FAM135B: variants seen among roughly 807,000 people sequenced by gnomAD.
The protein encoded by FAM135B is protein FAM135B.
FAM135B carries 43 observed loss-of-function variants against 127.7 expected under a neutral mutation model. The ratio of observed to expected loss-of-function variants is 0.34; its 90% CI spans 0.26 to 0.43. FAM135B has a LOEUF of 0.43. Ranked by LOEUF, FAM135B falls within the 20% of genes least tolerant of loss-of-function variation. The probability of loss-of-function intolerance (pLI) is 1.00; values close to 1 mark genes in which losing one functional copy is unlikely to be tolerated. For synonymous variants in FAM135B, 670 were observed against 665.1 expected (o/e 1.01, Z -0.11); for missense variants, 1,558 against 1,725.6 (o/e 0.90, Z 1.72).
chr8:138,366,222 G>A (rs980654000), intron 2 of FAM135B, among the ~76,000 whole-genome samples: 23 of 152,034 alleles, frequency 1.5e-4, no homozygotes, highest in African/African-American at 4.6e-4. Context: ...TTAGTTCTAC[G>A]GTTTGTTATG....
At chr8:138,328,323 G>A (rs1827946272) in intron 2 of FAM135B, among the ~76,000 whole-genome samples, 1 of 152,162 alleles carries the variant, frequency 6.6e-6, no homozygotes. Context: ...TCTTGACCAG[G>A]CTGGGGAAGC....
intron 9 of FAM135B, among the ~76,000 whole-genome samples, chr8:138,193,587 A>AT (rs1317326526): frequency 6.6e-6 from 1 of 152,144 alleles, no homozygotes; most frequent in Non-Finnish European, 1.5e-5. Context: ...ATTTCTGATA[A>AT]TTTACAGAGT....
At chr8:138,407,466 A>G (rs1273861513) in intron 1 of FAM135B, among the ~76,000 whole-genome samples, 11 of 152,336 alleles carry the variant, frequency 7.2e-5, no homozygotes, top group Middle Eastern at 3.4e-3. Context: ...CCTAAGCCAA[A>G]AGAACAAAGC....
chr8:138,233,690 C>T (rs1820063129), intron 7 of FAM135B, among the ~76,000 whole-genome samples: 1 of 152,106 alleles, frequency 6.6e-6, no homozygotes, highest in South Asian at 2.1e-4. Flanking sequence ...TAAAAAGTAT[C>T]TGCACTGCAA....
chr8:138,453,546 T>C (rs777930753), intron 1 of FAM135B, among the ~76,000 whole-genome samples: 2 of 152,136 alleles, frequency 1.3e-5, no homozygotes, highest in Non-Finnish European at 2.9e-5. Context: ...TCTCTTGCAG[T>C]TGGGGATTTG....
chr8:138,168,386 TA>T (rs2130906946), intron 11 of FAM135B, among the ~76,000 whole-genome samples: 1 of 152,318 alleles, frequency 6.6e-6, no homozygotes, highest in East Asian at 1.9e-4. Context: ...TTAGAAATTT[TA>T]AATTAGCATT....
intron 1 of FAM135B, among the ~76,000 whole-genome samples, chr8:138,382,004 C>T (rs991468061): frequency 2.0e-5 from 3 of 152,022 alleles, no homozygotes; most frequent in Admixed American, 6.6e-5. Context: ...TCAAGGCTGG[C>T]ATTTCAGACA....
intron 2 of FAM135B, among the ~76,000 whole-genome samples, chr8:138,355,403 G>A (rs1830031447): frequency 6.6e-6 from 1 of 152,122 alleles, no homozygotes; most frequent in Non-Finnish European, 1.5e-5. Context: ...AAAATGGTGA[G>A]TTCATGTCCT....
At chr8:138,137,090 A>T (rs568832823) in intron 19 of FAM135B, 57 bp downstream of exon 19, 1 of 909,170 alleles carries the variant, frequency 1.1e-6, no homozygotes, top group East Asian at 2.4e-5. Context: ...AATTCCATGA[A>T]TTTACTTTTG....
chr8:138,177,545 G>T, intron 10 of FAM135B, 125 bp from the exon 11 acceptor site: 1 of 790,380 alleles, frequency 1.3e-6, no homozygotes, highest in Non-Finnish European at 2.0e-6. Context: ...CCAGGCCCCT[G>T]ACCTGAAGGT....
intron 2 of FAM135B, among the ~76,000 whole-genome samples, chr8:138,312,933 A>G (rs553183126): frequency 6.6e-6 from 1 of 152,364 alleles, no homozygotes; most frequent in Admixed American, 6.5e-5. Flanking sequence ...AAGCAATTCA[A>G]TGGAGCAGAG....
At chr8:138,340,563 C>G (rs938979493) in intron 2 of FAM135B, among the ~76,000 whole-genome samples, 17 of 152,140 alleles carry the variant, frequency 1.1e-4, no homozygotes, top group African/African-American at 3.1e-4. Flanking sequence ...CTCCAGCACC[C>G]ATGTCCTGTT....
At chr8:138,337,931 A>G (rs1828734976) in intron 2 of FAM135B, among the ~76,000 whole-genome samples, 1 of 151,978 alleles carries the variant, frequency 6.6e-6, no homozygotes, top group African/African-American at 2.4e-5. Flanking sequence ...ATGGAACAGA[A>G]GAGAGCCCTC....
At chr8:138,313,093 T>TA (rs1225532708) in intron 2 of FAM135B, among the ~76,000 whole-genome samples, 2 of 152,140 alleles carry the variant, frequency 1.3e-5, no homozygotes, top group Non-Finnish European at 2.9e-5. Context: ...AAATGAAAAA[T>TA]ATAAAACTAT....
chr8:138,391,593 G>A (rs1832581662), intron 1 of FAM135B, among the ~76,000 whole-genome samples: 1 of 152,096 alleles, frequency 6.6e-6, no homozygotes, highest in Non-Finnish European at 1.5e-5. Flanking sequence ...CCTCTGAAAG[G>A]AGCAGGCTAG....
At chr8:138,376,143 G>T (rs185491237) in intron 1 of FAM135B, among the ~76,000 whole-genome samples, 1 of 151,926 alleles carries the variant, frequency 6.6e-6, no homozygotes, top group Non-Finnish European at 1.5e-5. Flanking sequence ...GGGTTTCACT[G>T]TGTTGGCCAG....
intron 2 of FAM135B, among the ~76,000 whole-genome samples, chr8:138,326,180 G>A (rs1827787818): frequency 6.6e-6 from 1 of 152,110 alleles, no homozygotes; most frequent in Non-Finnish European, 1.5e-5. Context: ...TATCTAATGA[G>A]TCAGCCCAGA....
intron 7 of FAM135B, among the ~76,000 whole-genome samples, chr8:138,206,268 T>G (rs1297624043): frequency 5.3e-4 from 72 of 135,850 alleles, no homozygotes; most frequent in Middle Eastern, 4.1e-3. Context: ...CACAGCTCTA[T>G]CATCCCCTCC....
At chr8:138,227,737 T>G (rs867316327) in intron 7 of FAM135B, among the ~76,000 whole-genome samples, 9 of 135,180 alleles carry the variant, frequency 6.7e-5, no homozygotes, top group African/African-American at 2.8e-4. Context: ...TTTTTTTTTT[T>G]TGGTGGTGGT....
Sources: allele counts gnomAD v4.1 joint callset (sites outside exome capture counted in the v4.1 genomes callset), GRCh38; gene constraint gnomAD v4.1.1; transcripts MANE v1.5; gene names NCBI Gene and HGNC (gene_info 2026-07-23, HGNC 2026-07-21).